The following SYT17 variants were observed in gnomAD, a reference collection of about 807,000 sequenced individuals.
SYT17 encodes the protein synaptotagmin 17.
Under a neutral mutation model 46.7 loss-of-function variants are expected in SYT17, and 22 were observed. That is an observed-to-expected ratio of 0.47 (90% confidence interval 0.34 to 0.67). The LOEUF is 0.67. Ranked by LOEUF, SYT17 falls within the 30% of genes least tolerant of loss-of-function variation. The pLI is 0.01. For synonymous variants in SYT17, 251 were observed against 248.4 expected (o/e 1.01, Z -0.10); for missense variants, 519 against 612.8 (o/e 0.85, Z 1.62).
At chr16:19,182,773 G>A (rs1435076652) in intron 4 of SYT17, among the ~76,000 whole-genome samples, 2 of 152,268 alleles carry the variant, frequency 1.3e-5, no homozygotes, top group African/African-American at 4.8e-5. Context: ...GGAAGGGAGA[G>A]AGGCGGCCCG....
chr16:19,262,358 G>A (rs1267550328), intron 7 of SYT17, among the ~76,000 whole-genome samples: 1 of 152,192 alleles, frequency 6.6e-6, no homozygotes, highest in Non-Finnish European at 1.5e-5. Context: ...ACCTATGAAG[G>A]AGAGCAAGCC....
At chr16:19,204,179 C>T (rs1198718009) in intron 5 of SYT17, among the ~76,000 whole-genome samples, 6 of 152,240 alleles carry the variant, frequency 3.9e-5, no homozygotes, top group Admixed American at 3.9e-4. Context: ...TGGGCAGCAC[C>T]CCTGGCCCCA....
At chr16:19,223,192 A>C in intron 6 of SYT17, 27 bp downstream of exon 6, 1 of 1,609,196 alleles carries the variant, frequency 6.2e-7, no homozygotes, top group South Asian at 1.1e-5. Flanking sequence ...CTCTTCTCTC[A>C]CTTTATTAAT....
intron 5 of SYT17, among the ~76,000 whole-genome samples, chr16:19,191,228 C>T (rs747145704): frequency 3.3e-5 from 5 of 151,784 alleles, no homozygotes; most frequent in Non-Finnish European, 5.9e-5. Context: ...AATGATATGC[C>T]GAAATGTGTA....
In SYT17 at chr16:19,173,502, G is replaced by A. The variant is rs777579298; in HGVS notation, c.106G>A (p.Glu36Lys). Residue 36 changes from glutamate to lysine, a missense_variant, in exon 3 of 8, where the codon GAG becomes AAG. Coordinates refer to ENST00000355377, the MANE Select transcript of SYT17 (RefSeq NM_016524.4). ...TCRHCCQKCY[E>K]SSCCQSSEDE... Reference sequence around the variant, plus strand: ...CCGGCACTGCTGTCAGAAGTGCTACGAGTCCAGCTGTTGCCAGTCAAGTGA... The same window carrying A: ...CCGGCACTGCTGTCAGAAGTGCTACAAGTCCAGCTGTTGCCAGTCAAGTGA... 9 of 1,613,176 alleles carry A rather than the reference G, an allele frequency of 5.6e-6. No individual in the cohort carries two copies. Among genetic ancestry groups the A allele is most frequent in the African/African-American group, 1.3e-5 (1 of 74,630 alleles).
intron 7 of SYT17, among the ~76,000 whole-genome samples, chr16:19,234,151 C>A (rs1483448802): frequency 4.6e-5 from 7 of 152,008 alleles, no homozygotes; most frequent in African/African-American, 1.5e-4. Flanking sequence ...CATAGCGAGA[C>A]CTTACCTCCA....
At position 19,197,290 on chromosome 16, in the gene SYT17, C is replaced by T. The variant is rs572983347; in HGVS notation, c.951+13143C>T. 5.9e-5 allele frequency among the ~76,000 whole-genome samples: 9 copies of T among 152,322 alleles called. No individual in the cohort carries two copies. The South Asian group carries it at 6.2e-4, about 11-fold the overall frequency. ...CATTAACTAGAAGTTTCTTTTCATG[C>T]GGTCCTTCATGTTTTCTTCCTCCTT... is the stretch of plus-strand genomic sequence containing the variant. On this transcript the variant is annotated intron_variant, in intron 5 of 7. Transcript: ENST00000355377.
In SYT17 at chr16:19,224,714, A is replaced by G; in HGVS notation, c.1104A>G (p.Gly368=). ...DPFVKIQLVH[G]LKLVKTKKTS... is the part of the protein sequence containing the mutation. ...TTGTGAAAATCCAGCTGGTGCATGGACTCAAACTTGTGAAAACCAAGAAGA... is the reference window on the plus strand; with the variant it reads ...TTGTGAAAATCCAGCTGGTGCATGGGCTCAAACTTGTGAAAACCAAGAAGA... The change falls in exon 7 of 8, where the codon GGA becomes GGG. Residue 368 remains glycine, a synonymous_variant. Coordinates refer to ENST00000355377, the MANE Select transcript of SYT17 (RefSeq NM_016524.4). 1 of 1,614,060 alleles carries G rather than the reference A, an allele frequency of 6.2e-7. No individual in the cohort carries two copies. The highest frequency in any genetic ancestry group is 2.2e-5 in the East Asian group (1 of 44,886).
At chr16:19,202,575 A>G (rs1462735696) in intron 5 of SYT17, among the ~76,000 whole-genome samples, 1 of 152,130 alleles carries the variant, frequency 6.6e-6, no homozygotes, top group Non-Finnish European at 1.5e-5. Context: ...TCAGAACTCA[A>G]CCTCCAGCCC....
chr16:19,249,134 C>T lies in SYT17; in HGVS notation c.1229-17746C>T, dbSNP rs983463551. Among the ~76,000 whole-genome samples the T allele has an allele frequency of 6.6e-4, 101 of 151,928 alleles. 1 individual carries two copies. Among genetic ancestry groups the T allele is most frequent in the Admixed American group, 9.2e-4 (14 of 15,228 alleles). The stretch of plus-strand genomic sequence containing the variant: ...CTAAAAATACAAAAAATTAGCCAGG[C>T]GTGGTGGCAGGCGACTGTAGTCCCA... On this transcript the variant is annotated intron_variant, in intron 7 of 7. Coordinates refer to ENST00000355377, the MANE Select transcript of SYT17 (RefSeq NM_016524.4).
At chr16:19,228,271 G>A (rs1966564672) in intron 7 of SYT17, among the ~76,000 whole-genome samples, 1 of 152,194 alleles carries the variant, frequency 6.6e-6, no homozygotes, top group Non-Finnish European at 1.5e-5. Context: ...GCAACTGTCA[G>A]CTGGGGCAGT....
At chr16:19,200,986 TG>T (rs1487101659) in intron 5 of SYT17, among the ~76,000 whole-genome samples, 2 of 152,022 alleles carry the variant, frequency 1.3e-5, no homozygotes, top group African/African-American at 4.8e-5. Flanking sequence ...GGGGACCAGC[TG>T]GGGGGCAGCT....
intron 5 of SYT17, among the ~76,000 whole-genome samples, 193 bp from the exon 6 acceptor site, chr16:19,222,852 A>G (rs1254192814): frequency 6.6e-6 from 1 of 152,152 alleles, no homozygotes; most frequent in Non-Finnish European, 1.5e-5. Context: ...CTAAGAGCGG[A>G]AAAAACTCAG....
Position 19,250,326 on chromosome 16 carries a change from C to T in SYT17, c.1229-16554C>T, listed in dbSNP as rs185715770. The stretch of plus-strand genomic sequence containing the variant: ...CCCATTTCAATGTGGGGCAGACTCT[C>T]GGGGTAATTTCAAAAAGATGTCTCA... On this transcript the variant is annotated intron_variant, in intron 7 of 7. Transcript: ENST00000355377. Among the ~76,000 whole-genome samples, 574 of 149,730 alleles carry T rather than the reference C, an allele frequency of 3.8e-3. 1 individual carries two copies. Among genetic ancestry groups the T allele is most frequent in the African/African-American group, 0.014 (550 of 40,654 alleles).
intron 7 of SYT17, among the ~76,000 whole-genome samples, chr16:19,246,616 T>G (rs1280871837): frequency 2.6e-5 from 4 of 152,188 alleles, no homozygotes; most frequent in African/African-American, 9.7e-5. Context: ...GTGCGTGGTA[T>G]GTATACGTAT....
At chr16:19,223,997 A>G (rs1010683541) in intron 6 of SYT17, among the ~76,000 whole-genome samples, 1 of 152,226 alleles carries the variant, frequency 6.6e-6, no homozygotes, top group African/African-American at 2.4e-5. Flanking sequence ...CAATTTCTCA[A>G]TCTCAAAAAC....
At position 19,168,288 on chromosome 16, in the gene SYT17, A is replaced by C; in HGVS notation, c.-359A>C. 4.2e-6 allele frequency: 1 copy of C among 237,236 alleles called. No homozygotes were observed. The highest frequency in any genetic ancestry group is 1.2e-4 in the East Asian group (1 of 8,592). The allele number at this position is 237,236 out of a possible 1,614,324, so 14.7% of individuals were successfully genotyped here. On this transcript the variant is annotated 5_prime_UTR_variant, in exon 1 of 8. Coordinates refer to ENST00000355377, the MANE Select transcript of SYT17 (RefSeq NM_016524.4). The surrounding 1 kb of genome is among the most constrained non-coding windows in gnomAD (Gnocchi z 6.9). ...GCCCCGCCTGCGCTGGGGTCGCTGC[A>C]GTCCCCGCAGCTGCCCCGGGCTGCT...
intron 7 of SYT17, among the ~76,000 whole-genome samples, chr16:19,242,041 G>T (rs62025395): frequency 3.8e-3 from 576 of 152,318 alleles, no homozygotes; most frequent in Non-Finnish European, 6.6e-3. Flanking sequence ...CTAGGATCCT[G>T]GAGCCAGGAT....
chr16:19,173,389 C>CCT, intron 2 of SYT17, 41 bp from the exon 3 acceptor site: 1 of 479,682 alleles, frequency 2.1e-6, no homozygotes, highest in Non-Finnish European at 3.7e-6. Flanking sequence ...CCCACCTCCC[C>CCT]TCTCCCCCAT....
Sources: allele counts gnomAD v4.1 joint callset (sites outside exome capture counted in the v4.1 genomes callset), GRCh38; gene constraint gnomAD v4.1.1; non-coding constraint Gnocchi (gnomAD v3.1); transcripts MANE v1.5; gene names NCBI Gene and HGNC (gene_info 2026-07-23, HGNC 2026-07-21).